The following RPS12 variants were observed in gnomAD, a reference collection of about 807,000 sequenced individuals.
The protein encoded by RPS12 is ribosomal protein S12.
RPS12 carries 1 observed loss-of-function variant against 17.2 expected under a neutral mutation model. The observed-to-expected ratio is 0.06, with a 90% CI of 0.02 to 0.28. The LOEUF is 0.28. Ranked by LOEUF, RPS12 falls within the 10% of genes least tolerant of loss-of-function variation. The pLI is 1.00. For missense variants in RPS12, 146 were observed against 162.1 expected, an observed-to-expected ratio of 0.90 and a Z score of 0.54; for synonymous variants, 67 against 54.0, an observed-to-expected ratio of 1.24 and a Z score of -1.06.
intron 5 of RPS12, 161 bp downstream of exon 5, chr6:132,817,222 C>T (rs1422602463): frequency 3.9e-6 from 3 of 770,408 alleles, no homozygotes; most frequent in Admixed American, 1.8e-5. Flanking sequence ...AATTTACAAG[C>T]CAGCCAATGA....
intron 4 of RPS12, 129 bp from the exon 5 acceptor site, chr6:132,816,831 A>G (rs1354780348): frequency 3.8e-6 from 3 of 783,792 alleles, no homozygotes; most frequent in Admixed American, 1.7e-5. Context: ...GGCTCCCTCT[A>G]CTGAACTGCC....
chr6:132,817,126 A>G, intron 5 of RPS12, 65 bp downstream of exon 5: 1 of 1,022,800 alleles, frequency 9.8e-7, no homozygotes, highest in Non-Finnish European at 1.5e-6. Flanking sequence ...CTTGTATTGA[A>G]ATAAGTTGAG....
chr6:132,816,223 C>G (rs947073826), intron 3 of RPS12, among the ~76,000 whole-genome samples: 17 of 152,230 alleles, frequency 1.1e-4, no homozygotes, highest in Middle Eastern at 3.4e-3. Context: ...ATGACTTACA[C>G]CAATTCAGTG....
chr6:132,817,515 TGAA>T lies in RPS12; in HGVS notation c.375_377del (p.Glu126del). ...AGGAGTCTCAGGCCAAGGATGTCATTGAAGAGTATTTCAAATGCAAGAAATGAA... is the reference window on the plus strand; with the variant it reads ...AGGAGTCTCAGGCCAAGGATGTCATTGAGTATTTCAAATGCAAGAAATGAA... On this transcript the variant is annotated inframe_deletion, in exon 6 of 6. Transcript: ENST00000230050. 1 of 1,611,964 alleles carries T rather than the reference TGAA, an allele frequency of 6.2e-7. No individual in the cohort carries two copies. Among genetic ancestry groups the T allele is most frequent in the Non-Finnish European group, 8.5e-7 (1 of 1,179,142 alleles).
Position 132,814,627 on chromosome 6 carries a change from G to A in RPS12, c.-38+14G>A, listed in dbSNP as rs1781999842. 3 of 1,033,260 alleles carry A rather than the reference G, an allele frequency of 2.9e-6. No homozygotes were observed. In the African/African-American group the frequency reaches 4.8e-5, roughly 16 times the overall value. The allele number at this position is 1,033,260 out of a possible 1,614,324, so 64.0% of individuals were successfully genotyped here. ...CGGAGGCTTGGGGTAAGTTGAGCGA[G>A]GCGGCAGGGGGGTGTATTGGTTATA... On this transcript the variant is annotated intron_variant, in intron 1 of 5. Transcript: ENST00000230050.
chr6:132,815,380 C>A (rs563561533), intron 3 of RPS12: 1 of 594,400 alleles, frequency 1.7e-6, no homozygotes, highest in Non-Finnish European at 3.2e-6. Context: ...TCTGACAAAC[C>A]TGTAGGTTGT....
Position 132,814,624 on chromosome 6 carries a change from C to G in RPS12, c.-38+11C>G. 1 of 1,015,378 alleles carries G rather than the reference C, an allele frequency of 9.8e-7. No homozygotes were observed. The highest frequency in any genetic ancestry group is 1.6e-5 in the African/African-American group (1 of 62,946). The allele number at this position is 1,015,378 out of a possible 1,614,324, so 62.9% of individuals were successfully genotyped here. ...AGGCGGAGGCTTGGGGTAAGTTGAGCGAGGCGGCAGGGGGGTGTATTGGTT... is the reference window on the plus strand; with the variant it reads ...AGGCGGAGGCTTGGGGTAAGTTGAGGGAGGCGGCAGGGGGGTGTATTGGTT... On this transcript the variant is annotated intron_variant, in intron 1 of 5. Coordinates refer to ENST00000230050, the MANE Select transcript of RPS12 (RefSeq NM_001016.4).
At chr6:132,817,380 C>T (rs1289823667) in intron 5 of RPS12, 100 bp from the exon 6 acceptor site, 3 of 861,454 alleles carry the variant, frequency 3.5e-6, no homozygotes, top group East Asian at 4.8e-5. Flanking sequence ...TTTTATAAGA[C>T]ATAGCTAATT....
intron 2 of RPS12, 42 bp downstream of exon 2, chr6:132,814,824 G>T (rs761838547): frequency 2.0e-5 from 32 of 1,571,194 alleles, no homozygotes; most frequent in Non-Finnish European, 2.6e-5. Flanking sequence ...TCGGGGTGCG[G>T]CTGAGGCGTG....
intron 3 of RPS12, 33 bp downstream of exon 3, chr6:132,815,121 T>C (rs778463854): frequency 7.2e-7 from 1 of 1,388,768 alleles, no homozygotes; most frequent in Non-Finnish European, 1.0e-6. Context: ...TGTGGGTTCT[T>C]GCAACCGGAA....
rs775727900 is a variant in RPS12 at position 132,817,007 on chromosome 6, T to C, written c.282T>C (p.Ile94=). 1 of 1,613,172 alleles carries C rather than the reference T, an allele frequency of 6.2e-7. No homozygotes were observed. The highest frequency in any genetic ancestry group is 8.5e-7 in the Non-Finnish European group (1 of 1,179,706). ...GAGAATGGGTAGGCCTTTGTAAAAT[T>C]GACAGAGAGGGGAAACCCCGTAAAG... is the stretch of plus-strand genomic sequence containing the variant. ...KLGEWVGLCK[I]DREGKPRKVV... is the part of the protein sequence containing the mutation. The change falls in exon 5 of 6, where the codon ATT becomes ATC. Residue 94 remains isoleucine, a synonymous_variant. Coordinates refer to ENST00000230050, the MANE Select transcript of RPS12 (RefSeq NM_001016.4).
intron 3 of RPS12, chr6:132,816,153 T>G: frequency 2.2e-6 from 1 of 445,910 alleles, no homozygotes; most frequent in Non-Finnish European, 4.1e-6. Context: ...TTTCTTTAGG[T>G]ATATGAAGCT....
chr6:132,816,366 G>C, intron 3 of RPS12, 95 bp from the exon 4 acceptor site: 2 of 875,186 alleles, frequency 2.3e-6, no homozygotes, highest in Non-Finnish European at 3.7e-6. Flanking sequence ...CTTATGTTTC[G>C]CAAGTGTTAG....
At chr6:132,817,106 CAT>C in intron 5 of RPS12, 45 bp downstream of exon 5, 2 of 1,169,592 alleles carry the variant, frequency 1.7e-6, no homozygotes, top group South Asian at 2.5e-5. Flanking sequence ...GCTGGGTAAT[CAT>C]ATAAAACCTT....
intron 3 of RPS12, chr6:132,815,303 C>G (rs1582886606): frequency 1.4e-6 from 1 of 728,276 alleles, no homozygotes; most frequent in Admixed American, 1.7e-5. Flanking sequence ...CTCAAAACTA[C>G]AGTGTTTGAA....
chr6:132,816,790 G>A (rs1782072211), intron 4 of RPS12, 170 bp from the exon 5 acceptor site: 1 of 770,340 alleles, frequency 1.3e-6, no homozygotes, highest in Admixed American at 1.7e-5. Flanking sequence ...CAGGCTTGTA[G>A]GTGATCTTAG....
At chr6:132,815,297 A>C (rs372727411) in intron 3 of RPS12, 3 of 734,324 alleles carry the variant, frequency 4.1e-6, no homozygotes, top group Non-Finnish European at 5.0e-6. Context: ...TAAGCACTCA[A>C]AACTACAGTG....
intron 3 of RPS12, chr6:132,815,590 C>G (rs973926015): frequency 2.2e-6 from 1 of 453,756 alleles, no homozygotes; most frequent in Non-Finnish European, 4.4e-6. Flanking sequence ...TTGAATGGAT[C>G]GAGTTAATGT....
chr6:132,814,738 C>G lies in RPS12; in HGVS notation c.-31C>G, dbSNP rs771166967. The G allele has an allele frequency of 1.1e-5, 17 of 1,612,284 alleles. No homozygotes were observed. The East Asian group carries it at 3.1e-4, about 30-fold the overall frequency. On this transcript the variant is annotated 5_prime_UTR_variant, in exon 2 of 6. Transcript: ENST00000230050. ...CAATGCTTTTGTTTTTTAGTGCGTT[C>G]AAGATTCAACTTCACCCGTAACCCA...
Sources: gnomAD v4.1 joint callset for allele counts (sites outside exome capture counted in the v4.1 genomes callset) on GRCh38, gnomAD v4.1.1 for gene constraint, MANE v1.5 for transcripts, NCBI Gene and HGNC (gene_info 2026-07-23, HGNC 2026-07-21) for gene names.